The following RBFOX1 variants were observed in gnomAD, a reference collection of about 807,000 sequenced individuals.
RBFOX1 encodes RNA binding protein fox-1 homolog 1.
RBFOX1 carries 8 observed loss-of-function variants against 57.7 expected under a neutral mutation model. That is an observed-to-expected ratio of 0.14 (90% confidence interval 0.08 to 0.25). The LOEUF (loss-of-function observed/expected upper bound fraction) is 0.25. RBFOX1 is among the 10% of genes least tolerant of loss of function. The pLI is 1.00. For synonymous variants in RBFOX1, 326 were observed against 222.4 expected (o/e 1.47, Z -4.15); for missense variants, 611 against 548.5 (o/e 1.11, Z -1.14).
At chr16:7,561,230 C>T (rs897558518) in intron 5 of RBFOX1, among the ~76,000 whole-genome samples, 5 of 152,210 alleles carry the variant, frequency 3.3e-5, no homozygotes, top group African/African-American at 9.6e-5. Context: ...TTTATCAAAA[C>T]ACAGCCACAT....
At chr16:7,281,737 G>T (rs539519548) in intron 4 of RBFOX1, among the ~76,000 whole-genome samples, 1 of 152,118 alleles carries the variant, frequency 6.6e-6, no homozygotes, top group African/African-American at 2.4e-5. Context: ...TGAGGGAAAC[G>T]TGGGTTATTT....
intron 1 of RBFOX1, among the ~76,000 whole-genome samples, chr16:6,137,616 T>TA (rs1300709253): frequency 1.4e-5 from 2 of 144,404 alleles, no homozygotes; most frequent in African/African-American, 2.6e-5. Flanking sequence ...ATTTTTTTTT[T>TA]TTTTTTTTTT....
At chr16:5,407,498 T>C (rs61275781) in intron 1 of RBFOX1, among the ~76,000 whole-genome samples, 54,717 of 151,938 alleles carry the variant, frequency 0.36, 10,181 homozygotes, top group Middle Eastern at 0.48. Context: ...AGTGCCAGGA[T>C]AGTGAGAGGT....
At chr16:5,373,250 C>A (rs1200199536) in intron 1 of RBFOX1, among the ~76,000 whole-genome samples, 2 of 152,040 alleles carry the variant, frequency 1.3e-5, no homozygotes, top group Non-Finnish European at 2.9e-5. Context: ...GATATGGACC[C>A]CAATTTTAGA....
chr16:7,323,286 T>A (rs1374411802), intron 4 of RBFOX1, among the ~76,000 whole-genome samples: 1 of 152,136 alleles, frequency 6.6e-6, no homozygotes, highest in South Asian at 2.1e-4. Flanking sequence ...TTGCCAGACG[T>A]GCTGGTATGC....
At chr16:7,402,435 T>G (rs1353484375) in intron 4 of RBFOX1, among the ~76,000 whole-genome samples, 1 of 152,200 alleles carries the variant, frequency 6.6e-6, no homozygotes, top group East Asian at 1.9e-4. Context: ...AAATAAAATT[T>G]CACAAATAAT....
At chr16:7,256,470 C>T (rs1160079407) in intron 4 of RBFOX1, among the ~76,000 whole-genome samples, 2 of 152,204 alleles carry the variant, frequency 1.3e-5, no homozygotes, top group Non-Finnish European at 2.9e-5. Context: ...TGACCTTTCA[C>T]CAAGGAGCCT....
intron 4 of RBFOX1, among the ~76,000 whole-genome samples, chr16:7,116,414 T>C (rs17737136): frequency 0.27 from 41,214 of 151,974 alleles, 6,168 homozygotes; most frequent in Admixed American, 0.37. Context: ...GACAGCAATA[T>C]TGCAGTGAAA....
intron 2 of RBFOX1, among the ~76,000 whole-genome samples, chr16:6,602,698 A>C (rs117484686): frequency 1.7e-3 from 258 of 152,304 alleles, no homozygotes; most frequent in Non-Finnish European, 2.7e-3. Flanking sequence ...TCTGTGAACT[A>C]TGTCCAGGCT....
chr16:6,181,816 T>G (rs1442040962), intron 1 of RBFOX1, among the ~76,000 whole-genome samples: 1 of 152,188 alleles, frequency 6.6e-6, no homozygotes, highest in Admixed American at 6.5e-5. Flanking sequence ...ATAATTAAGA[T>G]GTATTTCTTC....
At chr16:7,566,148 G>C (rs572311902) in intron 5 of RBFOX1, among the ~76,000 whole-genome samples, 2 of 152,286 alleles carry the variant, frequency 1.3e-5, no homozygotes, top group African/African-American at 4.8e-5. Context: ...GCATTTGATA[G>C]AGTGTTTATC....
At chr16:6,798,476 G>A (rs1283083743) in intron 3 of RBFOX1, among the ~76,000 whole-genome samples, 1 of 152,164 alleles carries the variant, frequency 6.6e-6, no homozygotes, top group African/African-American at 2.4e-5. Context: ...ATGGCAGGGA[G>A]CTGAAACATT....
intron 2 of RBFOX1, among the ~76,000 whole-genome samples, chr16:6,546,078 G>T (rs1054610552): frequency 1.3e-5 from 2 of 152,144 alleles, no homozygotes; most frequent in South Asian, 4.1e-4. Context: ...CACAGAAAAA[G>T]ATTATAATGT....
At chr16:7,072,060 A>C (rs1320562241) in intron 4 of RBFOX1, among the ~76,000 whole-genome samples, 2 of 152,206 alleles carry the variant, frequency 1.3e-5, no homozygotes, top group Non-Finnish European at 2.9e-5. Context: ...TTTCAATAGC[A>C]TTCCAACTTT....
At chr16:6,228,502 C>T (rs2097433963) in intron 1 of RBFOX1, among the ~76,000 whole-genome samples, 1 of 152,154 alleles carries the variant, frequency 6.6e-6, no homozygotes, top group Non-Finnish European at 1.5e-5. Context: ...GGAAATTCTG[C>T]CCTTTGCAAC....
intron 4 of RBFOX1, among the ~76,000 whole-genome samples, chr16:5,904,763 G>A (rs1005871761): frequency 1.3e-5 from 2 of 151,604 alleles, no homozygotes; most frequent in African/African-American, 4.8e-5. Context: ...AGATCACGAG[G>A]TCAGGAGATC....
intron 3 of RBFOX1, among the ~76,000 whole-genome samples, chr16:5,707,149 C>T (rs758214753): frequency 6.6e-6 from 1 of 152,122 alleles, no homozygotes; most frequent in East Asian, 1.9e-4. Flanking sequence ...CAATACAAGC[C>T]TCATTAGTGG....
At chr16:5,890,449 A>C (rs1170015935) in intron 4 of RBFOX1, among the ~76,000 whole-genome samples, 1 of 152,046 alleles carries the variant, frequency 6.6e-6, no homozygotes, top group Non-Finnish European at 1.5e-5. Context: ...CTGTAATCCC[A>C]CCACTTTGGG....
chr16:5,850,896 T>C (rs1305869006), intron 3 of RBFOX1, among the ~76,000 whole-genome samples: 2 of 152,196 alleles, frequency 1.3e-5, no homozygotes, highest in South Asian at 2.1e-4. Flanking sequence ...GATGGCTTTT[T>C]AAAGGCTGGG....
Sources: allele counts gnomAD v4.1 joint callset (sites outside exome capture counted in the v4.1 genomes callset), GRCh38; gene constraint gnomAD v4.1.1; transcripts MANE v1.5; gene names NCBI Gene and HGNC (gene_info 2026-07-23, HGNC 2026-07-21).